MATK: variants seen among roughly 807,000 people sequenced by gnomAD.
The protein encoded by MATK is megakaryocyte-associated tyrosine-protein kinase.
A neutral mutation model predicts 59.8 loss-of-function variants in MATK; 41 were observed. That is an observed-to-expected ratio of 0.69 (90% CI 0.53 to 0.89). The LOEUF (loss-of-function observed/expected upper bound fraction) is 0.89. MATK is among the 40% of genes least tolerant of loss of function. MATK has a pLI of 0.00. For missense variants in MATK, 593 were observed against 719.6 expected (o/e 0.82, Z 2.01); for synonymous variants, 308 against 306.1 (o/e 1.01, Z -0.06).
intron 1 of MATK, among the ~76,000 whole-genome samples, chr19:3,800,120 C>T (rs1599210795): frequency 8.1e-6 from 1 of 122,954 alleles, no homozygotes; most frequent in Non-Finnish European, 1.6e-5. Context: ...CCAGCCTGGG[C>T]AACAGAGCGA....
chr19:3,778,483 A>C (rs1246568520), intron 13 of MATK, 26 bp downstream of exon 13: 2 of 1,613,788 alleles, frequency 1.2e-6, no homozygotes, highest in Admixed American at 1.7e-5. Context: ...CCCGGAACCC[A>C]GTGCCTCCCT....
At chr19:3,779,341 G>A (rs775883499) in intron 11 of MATK, 37 bp downstream of exon 11, 17 of 1,606,232 alleles carry the variant, frequency 1.1e-5, no homozygotes, top group East Asian at 2.2e-5. Context: ...GCGCCCCGAC[G>A]ACCCCAGTGC....
intron 1 of MATK, chr19:3,801,406 C>T (rs552823823): frequency 6.6e-6 from 1 of 152,376 alleles, no homozygotes; most frequent in East Asian, 1.9e-4. Flanking sequence ...GGCCGCCTCT[C>T]GCTCCTGTCC....
chr19:3,797,614 C>G (rs17447618), intron 1 of MATK, among the ~76,000 whole-genome samples: 1 of 151,764 alleles, frequency 6.6e-6, no homozygotes, highest in African/African-American at 2.4e-5. Flanking sequence ...TCCAAGAGCT[C>G]TTTCTGGTTC....
At chr19:3,784,979 G>T in intron 2 of MATK, 85 bp downstream of exon 2, 1 of 1,472,206 alleles carries the variant, frequency 6.8e-7, no homozygotes, top group South Asian at 1.1e-5. Context: ...GCGATGGCTG[G>T]GCAGGCAGAG....
chr19:3,782,405 A>G (rs1327314599), intron 7 of MATK, among the ~76,000 whole-genome samples: 1 of 152,250 alleles, frequency 6.6e-6, no homozygotes, highest in Non-Finnish European at 1.5e-5. Context: ...GCAGAGAGAT[A>G]CTTTCAAGGA....
At chr19:3,795,775 T>C (rs2037588321) in intron 1 of MATK, among the ~76,000 whole-genome samples, 1 of 142,080 alleles carries the variant, frequency 7.0e-6, no homozygotes, top group African/African-American at 2.7e-5. Flanking sequence ...TTTTTTTTTT[T>C]TTTTGAGATG....
chr19:3,789,989 T>TGC (rs1181445205), upstream of MATK, among the ~76,000 whole-genome samples: 57 of 152,066 alleles, frequency 3.7e-4, no homozygotes, highest in Middle Eastern at 3.4e-3. Context: ...GCAACCTCCA[T>TGC]CTCCCGGGTT....
chr19:3,784,976 C>T, intron 2 of MATK, 88 bp downstream of exon 2: 2 of 1,458,904 alleles, frequency 1.4e-6, no homozygotes, highest in Non-Finnish European at 1.9e-6. Flanking sequence ...GGGGCGATGG[C>T]TGGGCAGGCA....
chr19:3,784,347 C>T lies in MATK; in HGVS notation c.237G>A (p.Glu79=). Residue 79 remains glutamate (E), a synonymous_variant, in exon 4 of 14, where the codon GAG becomes GAA. Transcript: ENST00000310132. The stretch of plus-strand genomic sequence containing the variant: ...GCCGGCCACCTCTCACCTCGCAGGC[C>T]TCCAGGATGGTGACCACGTCGCCCT... The part of the protein sequence containing the change: ...FRKGDVVTIL[E]ACENKSWYRV... The T allele has an allele frequency of 6.2e-7, 1 of 1,607,036 alleles. No individual in the cohort carries two copies. Among genetic ancestry groups the T allele is most frequent in the Non-Finnish European group, 8.5e-7 (1 of 1,177,816 alleles).
Position 3,786,034 on chromosome 19 carries a change from G to A in MATK, c.-152+135C>T. ...CGCCCCAGCCGCGCACCCGCTGCGC[G>A]CCCGGGACGCGCACACTCGCGCACA... On this transcript the variant is annotated intron_variant, in intron 1 of 13. Coordinates refer to ENST00000310132, the MANE Select transcript of MATK (RefSeq NM_139355.3). This position sits in a 1 kb window ranked among gnomAD's most constrained non-coding sequence, Gnocchi z 4.1. 4.0e-6 allele frequency: 1 copy of A among 247,946 alleles called. No individual in the cohort carries two copies. The highest frequency in any genetic ancestry group is 6.4e-6 in the Non-Finnish European group (1 of 155,928). 15.4% of individuals were successfully genotyped at this position (247,946 alleles called of 1,614,324 possible).
At position 3,779,852 on chromosome 19, in the gene MATK, CAG is replaced by C; in HGVS notation, c.743-57_743-56del. 1.1e-5 allele frequency: 12 copies of C among 1,073,900 alleles called. No homozygotes were observed. The South Asian group carries it at 1.5e-4, about 13-fold the overall frequency. 66.5% of individuals were successfully genotyped at this position (1,073,900 alleles called of 1,614,324 possible). A position where few individuals can be genotyped will look rare whatever the true frequency, so the allele number is the denominator to read the frequency against. The stretch of plus-strand genomic sequence containing the variant: ...GATCAGGACCCCCAACAAACAGGGA[CAG>C]AGAGACAGACGGACAGGCCCGCTCA... On this transcript the variant is annotated intron_variant, in intron 8 of 13. Coordinates refer to ENST00000310132, the MANE Select transcript of MATK (RefSeq NM_139355.3).
upstream of MATK, chr19:3,786,422 C>A: frequency 1.0e-6 from 1 of 979,132 alleles, no homozygotes; most frequent in South Asian, 4.6e-5. The surrounding 1 kb of genome is among the most constrained non-coding windows in gnomAD (Gnocchi z 4.1). Flanking sequence ...CGGCCCCTCC[C>A]CGCCCCGCCT....
intron 8 of MATK, among the ~76,000 whole-genome samples, chr19:3,780,632 C>T (rs1257931377): frequency 6.7e-6 from 1 of 149,378 alleles, no homozygotes; most frequent in East Asian, 2.0e-4. Flanking sequence ...TGGGGTTTCA[C>T]CATGTTAGCC....
At chr19:3,791,761 A>G (rs1568410331) in intron 1 of MATK, among the ~76,000 whole-genome samples, 1 of 151,930 alleles carries the variant, frequency 6.6e-6, no homozygotes, top group Non-Finnish European at 1.5e-5. Flanking sequence ...TGCCTAACCC[A>G]CTACTCTCCA....
chr19:3,800,135 C>A (rs1459050764), intron 1 of MATK, among the ~76,000 whole-genome samples: 2 of 143,930 alleles, frequency 1.4e-5, no homozygotes, highest in African/African-American at 5.2e-5. Flanking sequence ...GAGCGAGACT[C>A]CGTCTCAAAA....
intron 1 of MATK, among the ~76,000 whole-genome samples, chr19:3,801,319 GA>G (rs1234215580): frequency 1.3e-5 from 2 of 152,098 alleles, no homozygotes; most frequent in African/African-American, 4.8e-5. Context: ...TTTCCCAAAC[GA>G]CCCCCGAGCC....
At position 3,779,769 on chromosome 19, in the gene MATK, T is replaced by G. The variant is rs758783413; in HGVS notation, c.771A>C (p.Gln257His). The G allele has an allele frequency of 1.2e-6, 2 of 1,612,980 alleles. No homozygotes were observed. Among genetic ancestry groups the G allele is most frequent in the South Asian group, 2.2e-5 (2 of 91,062 alleles). The change falls in exon 9 of 14, where the codon CAA becomes CAC. Residue 257 changes from glutamine to histidine, a missense_variant. Coordinates refer to ENST00000310132, the MANE Select transcript of MATK (RefSeq NM_139355.3). ...GAVLQGEYLGQKVAVKNIKCD... is the reference protein window; with the variant it reads ...GAVLQGEYLGHKVAVKNIKCD... ...ACTTGATATTCTTCACGGCCACCTTTTGCCCCAGGTACTCACCCTGCAGGA... is the reference window on the plus strand; with the variant it reads ...ACTTGATATTCTTCACGGCCACCTTGTGCCCCAGGTACTCACCCTGCAGGA...
At chr19:3,786,417 C>T, upstream of MATK, 1 of 979,684 alleles carries the variant, frequency 1.0e-6, no homozygotes, top group Non-Finnish European at 1.2e-6. This position sits in a 1 kb window ranked among gnomAD's most constrained non-coding sequence, Gnocchi z 4.1. Context: ...GCCGCCGGCC[C>T]CTCCCCGCCC....
Sources: gnomAD v4.1 joint callset for allele counts (sites outside exome capture counted in the v4.1 genomes callset) on GRCh38, gnomAD v4.1.1 for gene constraint, Gnocchi (gnomAD v3.1) non-coding constraint, MANE v1.5 for transcripts, NCBI Gene and HGNC (gene_info 2026-07-23, HGNC 2026-07-21) for gene names.